CYP7B1: variants seen among roughly 807,000 people sequenced by gnomAD.
The protein encoded by CYP7B1 is cytochrome P450 7B1.
A neutral mutation model predicts 42.7 loss-of-function variants in CYP7B1; 29 were observed. The ratio of observed to expected loss-of-function variants is 0.68; its 90% confidence interval spans 0.51 to 0.93. The LOEUF is 0.93. Among genes scored for constraint, CYP7B1 ranks in the 40% least tolerant of loss-of-function variants. CYP7B1 has a pLI of 0.00. For missense variants in CYP7B1, 655 were observed against 600.5 expected (o/e 1.09, Z -0.95); for synonymous variants, 235 against 218.2 (o/e 1.08, Z -0.68).
At chr8:64,708,379 T>A (rs1016494104) in intron 1 of CYP7B1, among the ~76,000 whole-genome samples, 3 of 152,188 alleles carry the variant, frequency 2.0e-5, no homozygotes, top group Admixed American at 6.6e-5. Context: ...TCAGCCAATA[T>A]GTCACCACCT....
intron 1 of CYP7B1, among the ~76,000 whole-genome samples, chr8:64,779,201 GAAGTT>G (rs1236494317): frequency 1.3e-5 from 2 of 152,008 alleles, no homozygotes; most frequent in African/African-American, 4.8e-5. Flanking sequence ...AAAAACTTAA[GAAGTT>G]AAGTTTGAAG....
chr8:64,678,225 A>G (rs1018088439), intron 1 of CYP7B1, among the ~76,000 whole-genome samples: 1 of 152,042 alleles, frequency 6.6e-6, no homozygotes, highest in African/African-American at 2.4e-5. Context: ...GTTGAGAAGG[A>G]GATCCTGGGT....
intron 2 of CYP7B1, among the ~76,000 whole-genome samples, chr8:64,618,767 T>A (rs1805486106): frequency 6.6e-6 from 1 of 152,128 alleles, no homozygotes; most frequent in South Asian, 2.1e-4. Flanking sequence ...AATAAATTGT[T>A]TTTAAAAATA....
intron 1 of CYP7B1, among the ~76,000 whole-genome samples, chr8:64,662,260 G>C (rs1806209656): frequency 6.6e-6 from 1 of 152,170 alleles, no homozygotes; most frequent in Non-Finnish European, 1.5e-5. Flanking sequence ...TTGAGCCTGG[G>C]AGGTCGAGGC....
chr8:64,629,087 C>T (rs1311148524), intron 1 of CYP7B1, among the ~76,000 whole-genome samples: 1 of 152,020 alleles, frequency 6.6e-6, no homozygotes, highest in African/African-American at 2.4e-5. Flanking sequence ...ATTAGCCAGG[C>T]ATGGTGGTGG....
At position 64,766,639 on chromosome 8, in the gene CYP7B1, C is replaced by G. The variant is rs576520892; in HGVS notation, c.122+31827G>C. On this transcript the variant is annotated intron_variant, in intron 1 of 5. Coordinates refer to ENST00000310193, the MANE Select transcript of CYP7B1 (RefSeq NM_004820.5). ...TAGGGCTTGCTTCCAGTGCGGTCTA[C>G]AAGGACACTTTAAAAAAGATTGTCC... is the stretch of plus-strand genomic sequence containing the variant. 1.3e-3 allele frequency among the ~76,000 whole-genome samples: 194 copies of G among 152,194 alleles called. 2 individuals carry two copies. Among genetic ancestry groups the G allele is most frequent in the African/African-American group, 4.4e-3 (182 of 41,506 alleles).
intron 1 of CYP7B1, among the ~76,000 whole-genome samples, chr8:64,773,747 G>A (rs551971299): frequency 6.6e-6 from 1 of 152,286 alleles, no homozygotes; most frequent in African/African-American, 2.4e-5. Flanking sequence ...AATGGTATCT[G>A]GTAAGGGCCT....
chr8:64,772,851 C>G (rs1373603741), intron 1 of CYP7B1, among the ~76,000 whole-genome samples: 2 of 152,210 alleles, frequency 1.3e-5, no homozygotes, highest in African/African-American at 4.8e-5. Flanking sequence ...TACCATTTGT[C>G]AGGGACATCA....
At chr8:64,794,855 T>C (rs1312053135) in intron 1 of CYP7B1, among the ~76,000 whole-genome samples, 1 of 152,152 alleles carries the variant, frequency 6.6e-6, no homozygotes, top group Non-Finnish European at 1.5e-5. Flanking sequence ...GCCAGAAATG[T>C]ATCTGCGTGC....
intron 1 of CYP7B1, among the ~76,000 whole-genome samples, chr8:64,667,312 G>A (rs1023185193): frequency 3.3e-5 from 5 of 152,044 alleles, no homozygotes; most frequent in African/African-American, 4.8e-5. Flanking sequence ...ATTCCCTCGG[G>A]GGGCTCATCC....
chr8:64,682,431 G>A (rs540791930), intron 1 of CYP7B1, among the ~76,000 whole-genome samples: 10 of 152,300 alleles, frequency 6.6e-5, no homozygotes, highest in African/African-American at 2.4e-4. Flanking sequence ...GGATACATAG[G>A]AATAGAAATG....
intron 1 of CYP7B1, among the ~76,000 whole-genome samples, chr8:64,686,460 G>T (rs1228182247): frequency 2.2e-5 from 1 of 45,122 alleles, no homozygotes; most frequent in East Asian, 3.5e-4. Context: ...AGGTTGGGGG[G>T]TCAGCCCCCC....
intron 1 of CYP7B1, among the ~76,000 whole-genome samples, chr8:64,730,751 G>GCACACACACACACACACACACACA (rs61050207): frequency 1.7e-4 from 24 of 142,862 alleles, no homozygotes; most frequent in African/African-American, 6.2e-4. Context: ...AGGACTGTCT[G>GCACACACACACACACACACACACA]CACACACACA....
rs1805082913 is a variant in CYP7B1 at position 64,594,239 on chromosome 8, A to AG, written c.*2402_*2403insC. 2.0e-5 allele frequency among the ~76,000 whole-genome samples: 3 copies of AG among 152,140 alleles called. No individual in the cohort carries two copies. Among genetic ancestry groups the AG allele is most frequent in the African/African-American group, 7.2e-5 (3 of 41,430 alleles). On this transcript the variant is annotated 3_prime_UTR_variant, in exon 6 of 6. Coordinates refer to ENST00000310193, the MANE Select transcript of CYP7B1 (RefSeq NM_004820.5). The stretch of plus-strand genomic sequence containing the variant: ...CTGCTTTGGCCTCTGTCCCACAATA[A>AG]CTGTCCTGCTGACAGTGTCCATCAC...
intron 1 of CYP7B1, among the ~76,000 whole-genome samples, chr8:64,635,564 C>G (rs538092525): frequency 3.3e-5 from 5 of 152,204 alleles, no homozygotes; most frequent in Non-Finnish European, 4.4e-5. Context: ...ATCAGGATAG[C>G]ATTTGACTTA....
In CYP7B1 at chr8:64,615,969, A is replaced by T. The variant is rs143100098; in HGVS notation, c.572T>A (p.Ile191Asn). The stretch of plus-strand genomic sequence containing the variant: ...TTTTCCATATATAGTTGTAAATGTG[A>T]TCTCAAATATTATTGAGCTGCAGAA... ...YPFCSSIIFE[I>N]TFTTIYGKVI... Residue 191 changes from isoleucine (I) to asparagine (N), a missense_variant, in exon 3 of 6, where the codon ATC becomes AAC. Transcript: ENST00000310193. 4 of 1,613,740 alleles carry T rather than the reference A, an allele frequency of 2.5e-6. No individual in the cohort carries two copies. The highest frequency in any genetic ancestry group is 3.4e-6 in the Non-Finnish European group (4 of 1,179,822).
intron 4 of CYP7B1, among the ~76,000 whole-genome samples, chr8:64,606,551 C>G (rs1476880796): frequency 6.6e-6 from 1 of 152,212 alleles, no homozygotes; most frequent in Non-Finnish European, 1.5e-5. Context: ...GTCCGAATAA[C>G]ATGGTCAAAT....
intron 1 of CYP7B1, among the ~76,000 whole-genome samples, chr8:64,677,098 G>A (rs887952962): frequency 1.3e-5 from 2 of 151,884 alleles, no homozygotes; most frequent in African/African-American, 4.8e-5. Context: ...ATATTTACAC[G>A]AACAATTTGA....
At chr8:64,637,143 G>T (rs73237781) in intron 1 of CYP7B1, among the ~76,000 whole-genome samples, 1 of 152,080 alleles carries the variant, frequency 6.6e-6, no homozygotes, top group African/African-American at 2.4e-5. Context: ...AACAAATGAC[G>T]TTTTATCAAC....
Sources: allele counts gnomAD v4.1 joint callset (sites outside exome capture counted in the v4.1 genomes callset), GRCh38; gene constraint gnomAD v4.1.1; transcripts MANE v1.5; gene names NCBI Gene and HGNC (gene_info 2026-07-23, HGNC 2026-07-21).